The following ANO2 variants were observed in gnomAD, a reference collection of about 807,000 sequenced individuals.
ANO2 encodes anoctamin 2.
A neutral mutation model predicts 124.2 loss-of-function variants in ANO2; 101 were observed. That is an observed-to-expected ratio of 0.81 (90% CI 0.69 to 0.96). The LOEUF (loss-of-function observed/expected upper bound fraction) is 0.96, where lower values mean the gene tolerates loss of function less well. Ranked by LOEUF, ANO2 falls within the 40% of genes least tolerant of loss-of-function variation. The pLI, the probability that ANO2 is intolerant of heterozygous loss-of-function variation, is 0.00. For missense variants in ANO2, 1,293 were observed against 1,274.5 expected (o/e 1.01, Z -0.22); for synonymous variants, 486 against 482.5 (o/e 1.01, Z -0.09).
upstream of ANO2, chr12:5,945,352 C>G (rs562421506): frequency 1.1e-6 from 1 of 909,398 alleles, no homozygotes; most frequent in Non-Finnish European, 1.3e-6. Flanking sequence ...TCCTCCTCCC[C>G]CATCCCTCCC....
At chr12:5,833,622 G>A (rs952141231) in intron 4 of ANO2, among the ~76,000 whole-genome samples, 18 of 152,280 alleles carry the variant, frequency 1.2e-4, no homozygotes, top group Middle Eastern at 3.4e-3. Flanking sequence ...CAGGAGGTGC[G>A]TGGTGGGTGA....
At chr12:5,652,824 G>A (rs1026691990) in intron 14 of ANO2, among the ~76,000 whole-genome samples, 3 of 152,048 alleles carry the variant, frequency 2.0e-5, no homozygotes, top group African/African-American at 7.2e-5. Context: ...TCCTGGTGGA[G>A]ATCATATCTG....
chr12:5,831,111 G>A (rs1332906953), intron 5 of ANO2, among the ~76,000 whole-genome samples: 2 of 152,192 alleles, frequency 1.3e-5, no homozygotes, highest in East Asian at 1.9e-4. Flanking sequence ...AGCACATGGG[G>A]CATGTTTGTC....
chr12:5,640,675 A>T (rs384401), intron 15 of ANO2, among the ~76,000 whole-genome samples: 3 of 152,100 alleles, frequency 2.0e-5, no homozygotes, highest in African/African-American at 7.2e-5. Flanking sequence ...CCACAATGAG[A>T]TACCATCCCA....
At chr12:5,693,195 T>C (rs1488280301) in intron 14 of ANO2, among the ~76,000 whole-genome samples, 1 of 152,168 alleles carries the variant, frequency 6.6e-6, no homozygotes, top group Non-Finnish European at 1.5e-5. Context: ...AGCTAAGAGA[T>C]TCCCTTGAAT....
At chr12:5,726,180 G>A (rs1950431515) in intron 14 of ANO2, among the ~76,000 whole-genome samples, 1 of 151,596 alleles carries the variant, frequency 6.6e-6, no homozygotes, top group East Asian at 1.9e-4. Flanking sequence ...AAAAGTTCCG[G>A]ACTCAGTATT....
At chr12:5,756,906 C>T (rs1951599721) in intron 10 of ANO2, among the ~76,000 whole-genome samples, 1 of 152,228 alleles carries the variant, frequency 6.6e-6, no homozygotes, top group South Asian at 2.1e-4. Context: ...GTGGTCATGC[C>T]ATTGGGGACA....
At chr12:5,742,259 T>C (rs1339837774) in intron 12 of ANO2, among the ~76,000 whole-genome samples, 1 of 152,170 alleles carries the variant, frequency 6.6e-6, no homozygotes, top group Non-Finnish European at 1.5e-5. Flanking sequence ...ATAATAATCA[T>C]GGTAATGAGA....
intron 10 of ANO2, among the ~76,000 whole-genome samples, chr12:5,777,692 G>A (rs1370997679): frequency 1.3e-5 from 2 of 152,094 alleles, no homozygotes; most frequent in African/African-American, 4.8e-5. Flanking sequence ...ACAAAAGAAC[G>A]GCCAGGGACC....
At chr12:5,797,869 C>T (rs1952913291) in intron 10 of ANO2, among the ~76,000 whole-genome samples, 1 of 152,142 alleles carries the variant, frequency 6.6e-6, no homozygotes, top group African/African-American at 2.4e-5. Flanking sequence ...AGCTCTCCAT[C>T]CTCAGGAACC....
chr12:5,683,431 T>G (rs1197278156), intron 14 of ANO2, among the ~76,000 whole-genome samples: 1 of 151,966 alleles, frequency 6.6e-6, no homozygotes. Flanking sequence ...TTAATCCAAA[T>G]GAAGAGACAA....
chr12:5,849,794 C>T (rs908659971), intron 4 of ANO2, among the ~76,000 whole-genome samples: 1 of 152,098 alleles, frequency 6.6e-6, no homozygotes, highest in African/African-American at 2.4e-5. Flanking sequence ...TAACTGATCC[C>T]GCGCCATGCC....
intron 12 of ANO2, among the ~76,000 whole-genome samples, chr12:5,742,450 G>A (rs979236678): frequency 6.6e-6 from 1 of 152,150 alleles, no homozygotes; most frequent in Admixed American, 6.5e-5. Context: ...CCTGCACTGT[G>A]ATGTGAAAGG....
Position 5,899,163 on chromosome 12 carries a change from G to A in ANO2, c.534+21877C>T, listed in dbSNP as rs577885219. Among the ~76,000 whole-genome samples, 8 of 152,288 alleles carry A rather than the reference G, an allele frequency of 5.3e-5. No individual in the cohort carries two copies. The South Asian group carries it at 1.0e-3, about 20-fold the overall frequency. On this transcript the variant is annotated intron_variant, in intron 3 of 24. Coordinates refer to ENST00000682330, the MANE Select transcript of ANO2 (RefSeq NM_001364791.2). ...AGTAAACTCATTGATTGAGACAGTCGCCTCTGGGTGATGCTTCCAGCTTAG... is the reference window on the plus strand; with the variant it reads ...AGTAAACTCATTGATTGAGACAGTCACCTCTGGGTGATGCTTCCAGCTTAG...
chr12:5,681,510 C>T (rs1250111111), intron 14 of ANO2, among the ~76,000 whole-genome samples: 3 of 152,140 alleles, frequency 2.0e-5, no homozygotes, highest in Non-Finnish European at 4.4e-5. Context: ...TGGGGCCAGG[C>T]GTGGAGGAGA....
intron 11 of ANO2, among the ~76,000 whole-genome samples, chr12:5,748,388 G>A (rs1404951220): frequency 6.6e-6 from 1 of 152,148 alleles, no homozygotes; most frequent in Admixed American, 6.5e-5. Flanking sequence ...TGTTTTCTTA[G>A]AACACACCCA....
chr12:5,792,589 GTTT>G (rs1241672811), intron 10 of ANO2, among the ~76,000 whole-genome samples: 1 of 152,202 alleles, frequency 6.6e-6, no homozygotes, highest in Non-Finnish European at 1.5e-5. Flanking sequence ...TCACACTGAT[GTTT>G]CTAGAAAGAG....
At chr12:5,821,875 A>G (rs1953810833) in intron 7 of ANO2, among the ~76,000 whole-genome samples, 1 of 152,214 alleles carries the variant, frequency 6.6e-6, no homozygotes, top group African/African-American at 2.4e-5. Context: ...CAAGTAAGTT[A>G]CATGAGAAAG....
At chr12:5,924,568 T>C (rs1941990042) in intron 1 of ANO2, among the ~76,000 whole-genome samples, 2 of 152,108 alleles carry the variant, frequency 1.3e-5, no homozygotes, top group Non-Finnish European at 2.9e-5. Flanking sequence ...GGACCCCATA[T>C]CACTCTGCCG....
Sources: gnomAD v4.1 joint callset for allele counts (sites outside exome capture counted in the v4.1 genomes callset) on GRCh38, gnomAD v4.1.1 for gene constraint, MANE v1.5 for transcripts, NCBI Gene and HGNC (gene_info 2026-07-23, HGNC 2026-07-21) for gene names.